Variants in ZNF280D observed in about 807,000 individuals in gnomAD.
ZNF280D encodes zinc finger protein 280D.
In ZNF280D, 39 loss-of-function variants were observed where a neutral mutation model predicts 94.7. That is an observed-to-expected ratio of 0.41 (90% CI 0.32 to 0.54). ZNF280D has a LOEUF of 0.54. Ranked by LOEUF, ZNF280D falls within the 20% of genes least tolerant of loss-of-function variation. The probability of loss-of-function intolerance (pLI) is 0.22; values close to 1 mark genes in which losing one functional copy is unlikely to be tolerated. For missense variants in ZNF280D, 1,090 were observed against 1,149.3 expected (o/e 0.95, Z 0.75); for synonymous variants, 398 against 377.6 (o/e 1.05, Z -0.63).
At chr15:56,726,475 TATA>T (rs1258037762) in intron 1 of ZNF280D, among the ~76,000 whole-genome samples, 2 of 152,202 alleles carry the variant, frequency 1.3e-5, no homozygotes, top group African/African-American at 4.8e-5. Flanking sequence ...CATTATATCT[TATA>T]ATTATTATGT....
intron 6 of ZNF280D, chr15:56,700,385 T>C (rs1356649306): frequency 1.9e-6 from 1 of 536,892 alleles, no homozygotes; most frequent in Non-Finnish European, 2.4e-6. Flanking sequence ...CTAAATGAAA[T>C]GAATTTACCT....
intron 19 of ZNF280D, chr15:56,652,600 C>T (rs1210976681): frequency 2.0e-6 from 2 of 976,912 alleles, no homozygotes; most frequent in African/African-American, 3.5e-5. Flanking sequence ...GAAAGAAATA[C>T]ATGCATTACT....
intron 9 of ZNF280D, among the ~76,000 whole-genome samples, chr15:56,684,702 T>C (rs573883226): frequency 6.6e-6 from 1 of 151,376 alleles, no homozygotes; most frequent in South Asian, 2.1e-4. Context: ...AGGAAACATA[T>C]TAGTAGGAGA....
intron 13 of ZNF280D, among the ~76,000 whole-genome samples, chr15:56,674,383 T>C (rs952336616): frequency 6.6e-5 from 10 of 152,058 alleles, no homozygotes; most frequent in African/African-American, 2.4e-4. Context: ...AAAGAAACAG[T>C]GATCTATTCC....
At chr15:56,645,427 A>G (rs2052832330) in intron 19 of ZNF280D, 1 of 152,212 alleles carries the variant, frequency 6.6e-6, no homozygotes, top group Non-Finnish European at 1.5e-5. Context: ...TTTCCCCTCT[A>G]TGAAAATCTG....
intron 1 of ZNF280D, among the ~76,000 whole-genome samples, chr15:56,724,348 G>C (rs1200588198): frequency 1.3e-5 from 2 of 152,134 alleles, no homozygotes; most frequent in African/African-American, 4.8e-5. Flanking sequence ...AACCTAAGCA[G>C]AGCTCGGTTA....
chr15:56,700,104 G>C (rs536595303), intron 6 of ZNF280D: 1 of 718,088 alleles, frequency 1.4e-6, no homozygotes, highest in East Asian at 1.3e-4. Flanking sequence ...AAGGGTCTTG[G>C]GGAACCCCAG....
chr15:56,707,688 C>T (rs532193362), intron 1 of ZNF280D, among the ~76,000 whole-genome samples: 1 of 152,038 alleles, frequency 6.6e-6, no homozygotes, highest in African/African-American at 2.4e-5. Flanking sequence ...TGCAAGAAAA[C>T]ACAATTTTAA....
intron 6 of ZNF280D, chr15:56,698,760 G>A (rs1418097301): frequency 3.9e-5 from 6 of 152,186 alleles, no homozygotes; most frequent in East Asian, 1.9e-4. Flanking sequence ...TAGCTTTGAG[G>A]AAGCAAGCAG....
intron 1 of ZNF280D, among the ~76,000 whole-genome samples, chr15:56,712,057 A>T (rs1283094574): frequency 1.3e-5 from 2 of 152,234 alleles, no homozygotes; most frequent in Non-Finnish European, 2.9e-5. Context: ...CCTAAACATC[A>T]TTATGTGGTA....
At chr15:56,638,051 A>G (rs2052441193) in intron 20 of ZNF280D, among the ~76,000 whole-genome samples, 1 of 152,212 alleles carries the variant, frequency 6.6e-6, no homozygotes, top group Non-Finnish European at 1.5e-5. Flanking sequence ...CAAACTATGA[A>G]TATCTAGACT....
At chr15:56,655,719 G>A (rs1184918382) in intron 17 of ZNF280D, among the ~76,000 whole-genome samples, 1 of 152,186 alleles carries the variant, frequency 6.6e-6, no homozygotes, top group African/African-American at 2.4e-5. Context: ...TTAGACTTGT[G>A]TGATTTTTAG....
At chr15:56,727,320 A>G (rs1390722719) in intron 1 of ZNF280D, among the ~76,000 whole-genome samples, 2 of 152,138 alleles carry the variant, frequency 1.3e-5, no homozygotes, top group Non-Finnish European at 2.9e-5. Context: ...TTAGTCAGGC[A>G]TGGTGGCGCA....
chr15:56,654,134 T>C (rs1829783379), intron 19 of ZNF280D, 64 bp downstream of exon 19: 2 of 1,566,202 alleles, frequency 1.3e-6, no homozygotes, highest in African/African-American at 2.8e-5. Flanking sequence ...TAATGATACA[T>C]TTAAAAATGC....
At chr15:56,693,438 T>C (rs1180598690) in intron 6 of ZNF280D, among the ~76,000 whole-genome samples, 10 of 151,996 alleles carry the variant, frequency 6.6e-5, no homozygotes, top group African/African-American at 2.2e-4. Context: ...AAAATTATCA[T>C]CTACTGAAAC....
At chr15:56,715,659 A>C (rs1440181783) in intron 1 of ZNF280D, among the ~76,000 whole-genome samples, 1 of 152,138 alleles carries the variant, frequency 6.6e-6, no homozygotes, top group East Asian at 1.9e-4. Flanking sequence ...AAATAAATGG[A>C]ATGAAGCTTT....
At chr15:56,638,079 T>C (rs2052442706) in intron 20 of ZNF280D, among the ~76,000 whole-genome samples, 1 of 152,186 alleles carries the variant, frequency 6.6e-6, no homozygotes, top group African/African-American at 2.4e-5. Context: ...CAGTAGACTT[T>C]TTCTTTTTGA....
At chr15:56,669,053 A>C in intron 13 of ZNF280D, 96 bp from the exon 14 acceptor site, 1 of 1,175,922 alleles carries the variant, frequency 8.5e-7, no homozygotes, top group Non-Finnish European at 1.2e-6. Context: ...TGATACCTAA[A>C]TAATGTAAAA....
At chr15:56,690,619 C>G (rs571028445) in intron 7 of ZNF280D, among the ~76,000 whole-genome samples, 30 of 152,080 alleles carry the variant, frequency 2.0e-4, no homozygotes, top group African/African-American at 7.2e-4. Flanking sequence ...CATTTGAAAA[C>G]CATTTTGTTA....
Sources: gnomAD v4.1 joint callset for allele counts (sites outside exome capture counted in the v4.1 genomes callset) on GRCh38, gnomAD v4.1.1 for gene constraint, MANE v1.5 for transcripts, NCBI Gene and HGNC (gene_info 2026-07-23, HGNC 2026-07-21) for gene names.